The following UNC13B variants were observed in gnomAD, a reference collection of about 807,000 sequenced individuals.
UNC13B encodes unc-13 homolog B, also known as protein unc-13 homolog B.
A neutral mutation model predicts 211.0 loss-of-function variants in UNC13B; 144 were observed. The ratio of observed to expected loss-of-function variants is 0.68; its 90% confidence interval spans 0.60 to 0.78. UNC13B has a LOEUF of 0.78. Among genes scored for constraint, UNC13B ranks in the 30% least tolerant of loss-of-function variants. UNC13B has a pLI of 0.00. For synonymous variants in UNC13B, 709 were observed against 725.8 expected, an observed-to-expected ratio of 0.98 and a Z score of 0.37; for missense variants, 1,777 against 2,002.0, an observed-to-expected ratio of 0.89 and a Z score of 2.14.
At chr9:35,400,015 T>A (rs1208158515) in intron 36 of UNC13B, among the ~76,000 whole-genome samples, 1 of 152,228 alleles carries the variant, frequency 6.6e-6, no homozygotes, top group Non-Finnish European at 1.5e-5. Flanking sequence ...AAAAGAGCAC[T>A]TTTGGTTCTT....
intron 2 of UNC13B, among the ~76,000 whole-genome samples, chr9:35,230,847 AGT>A (rs1251484403): frequency 6.6e-6 from 1 of 152,076 alleles, no homozygotes; most frequent in Non-Finnish European, 1.5e-5. Context: ...TTTCAGTTTG[AGT>A]GTGTGTGTAT....
intron 1 of UNC13B, among the ~76,000 whole-genome samples, chr9:35,205,235 T>A (rs999593987): frequency 6.6e-6 from 1 of 152,196 alleles, no homozygotes; most frequent in African/African-American, 2.4e-5. Flanking sequence ...CCTGTGGAAC[T>A]GTGAGCCAAT....
At chr9:35,280,590 T>C (rs1480235839) in intron 7 of UNC13B, among the ~76,000 whole-genome samples, 1 of 151,998 alleles carries the variant, frequency 6.6e-6, no homozygotes, top group East Asian at 1.9e-4. Context: ...TCAGTAAGGG[T>C]GGGTGATGAG....
intron 17 of UNC13B, 127 bp downstream of exon 17, chr9:35,378,563 G>T: frequency 8.1e-7 from 1 of 1,238,118 alleles, no homozygotes; most frequent in Non-Finnish European, 1.1e-6. Flanking sequence ...TTTCTCGCAT[G>T]CTTCGTTCAG....
Position 35,405,266 on chromosome 9 carries a change from T to C in UNC13B, c.*1233T>C, listed in dbSNP as rs551347594. On this transcript the variant is annotated 3_prime_UTR_variant, in exon 40 of 40. Coordinates refer to ENST00000635942, the MANE Select transcript of UNC13B (RefSeq NM_001371189.2). ...AACAAGAAACCAAGCATCTTTGCTG[T>C]TGTTAATTATTATATGTGCCATTGT... 1 of 152,814 alleles carries C rather than the reference T, an allele frequency of 6.5e-6. No individual in the cohort carries two copies. The highest frequency in any genetic ancestry group is 1.9e-4 in the East Asian group (1 of 5,188). The allele number at this position is 152,814 out of a possible 1,614,324, so 9.5% of individuals were successfully genotyped here. A position where few individuals can be genotyped will look rare whatever the true frequency, so the allele number is the denominator to read the frequency against.
intron 1 of UNC13B, among the ~76,000 whole-genome samples, chr9:35,194,483 C>T (rs1176824765): frequency 1.3e-5 from 2 of 152,196 alleles, no homozygotes; most frequent in East Asian, 1.9e-4. Context: ...CTAAGTCCTC[C>T]ATGAAAGGAA....
In UNC13B at chr9:35,400,369, G is replaced by T. The variant is rs772051551; in HGVS notation, c.12410G>T (p.Arg4137Leu). 3 of 1,614,042 alleles carry T rather than the reference G, an allele frequency of 1.9e-6. No individual in the cohort carries two copies. The highest frequency in any genetic ancestry group is 1.3e-5 in the African/African-American group (1 of 74,932). The change falls in exon 37 of 40, where the codon CGC (arginine) becomes CTC (leucine). Residue 4137 changes from arginine to leucine, a missense_variant. Physicochemically the swap from Arg to Leu is moderately radical, Grantham distance 102. Coordinates refer to ENST00000635942, the MANE Select transcript of UNC13B (RefSeq NM_001371189.2). The part of the protein sequence containing the change: ...LEKSPDLQSL[R>L]YALSLYTQTT... The stretch of plus-strand genomic sequence containing the variant: ...AAGAGCCCAGATCTGCAGTCTCTAC[G>T]CTATGCCCTGTCTCTGTACACACAG...
intron 1 of UNC13B, among the ~76,000 whole-genome samples, chr9:35,204,169 G>C (rs866883014): frequency 1.3e-5 from 2 of 152,252 alleles, no homozygotes; most frequent in African/African-American, 2.4e-5. Context: ...TTTACACTTG[G>C]TGTTAAGCCT....
chr9:35,258,510 C>T (rs1010426195), intron 6 of UNC13B, among the ~76,000 whole-genome samples: 1 of 152,192 alleles, frequency 6.6e-6, no homozygotes, highest in Non-Finnish European at 1.5e-5. Context: ...TATTGCACCA[C>T]ATGCTTAGGT....
chr9:35,287,135 TTTC>T (rs966874508), intron 7 of UNC13B, among the ~76,000 whole-genome samples: 2 of 143,088 alleles, frequency 1.4e-5, no homozygotes, highest in Non-Finnish European at 3.2e-5. Context: ...TCTTTCTTTC[TTTC>T]TTTTTTTTTT....
At position 35,385,465 on chromosome 9, in the gene UNC13B, C is replaced by G. The variant is rs1460297891; in HGVS notation, c.10876-259C>G. 4.1e-6 allele frequency: 4 copies of G among 985,300 alleles called. No homozygotes were observed. The South Asian group carries it at 1.9e-4, about 46-fold the overall frequency. The allele number at this position is 985,300 out of a possible 1,614,324, so 61.0% of individuals were successfully genotyped here. A position where few individuals can be genotyped will look rare whatever the true frequency, so the allele number is the denominator to read the frequency against. ...GTGTTCCTTTGTACAAGTGCTTATA[C>G]ATTGCATGGGAAGTAGGGCTGGAGG... On this transcript the variant is annotated intron_variant, in intron 22 of 39. Transcript: ENST00000635942.
chr9:35,277,225 G>C (rs1170417781), intron 7 of UNC13B, among the ~76,000 whole-genome samples: 1 of 152,172 alleles, frequency 6.6e-6, no homozygotes, highest in Non-Finnish European at 1.5e-5. Flanking sequence ...TTGAATAAGA[G>C]TGTAATTTGC....
chr9:35,341,945 G>C (rs1229136141), intron 11 of UNC13B: 1 of 985,508 alleles, frequency 1.0e-6, no homozygotes, highest in Admixed American at 6.1e-5. Context: ...TCCAGTTGAA[G>C]TTTGGCTGCT....
At chr9:35,370,289 G>A (rs373871346) in intron 12 of UNC13B, 29 bp from the exon 13 acceptor site, 108 of 1,606,166 alleles carry the variant, frequency 6.7e-5, no homozygotes, top group Non-Finnish European at 8.7e-5. Flanking sequence ...CAAGACTGAC[G>A]GTCCTGACAT....
chr9:35,192,858 G>A (rs1564058555), intron 1 of UNC13B, among the ~76,000 whole-genome samples: 1 of 152,188 alleles, frequency 6.6e-6, no homozygotes, highest in Non-Finnish European at 1.5e-5. Context: ...TCTAGAGAGA[G>A]AAGTGACAAA....
chr9:35,317,140 G>T (rs948591488), intron 11 of UNC13B, among the ~76,000 whole-genome samples: 1 of 152,090 alleles, frequency 6.6e-6, no homozygotes, highest in Admixed American at 6.6e-5. Flanking sequence ...CCATGGATAG[G>T]GCTGCCTAAC....
At chr9:35,315,568 T>C (rs1830409097) in intron 11 of UNC13B, among the ~76,000 whole-genome samples, 1 of 152,206 alleles carries the variant, frequency 6.6e-6, no homozygotes, top group African/African-American at 2.4e-5. Flanking sequence ...TAAATCTTCC[T>C]TTGTATTTCC....
intron 7 of UNC13B, 133 bp downstream of exon 7, chr9:35,259,183 G>GT (rs1827111583): frequency 1.1e-6 from 1 of 921,020 alleles, no homozygotes; most frequent in Non-Finnish European, 1.6e-6. Context: ...AAGCACATCT[G>GT]TTCAGGCGCC....
intron 7 of UNC13B, among the ~76,000 whole-genome samples, chr9:35,279,216 C>T (rs901879925): frequency 1.3e-5 from 2 of 152,172 alleles, no homozygotes; most frequent in African/African-American, 4.8e-5. Context: ...CACCCCTCAC[C>T]GCTGGCAACC....
Sources: gnomAD v4.1 joint callset for allele counts (sites outside exome capture counted in the v4.1 genomes callset) on GRCh38, gnomAD v4.1.1 for gene constraint, MANE v1.5 for transcripts, NCBI Gene and HGNC (gene_info 2026-07-23, HGNC 2026-07-21) for gene names.